Variants in CHIC2 observed in about 807,000 individuals in gnomAD.
CHIC2 encodes cysteine-rich hydrophobic domain-containing protein 2.
Under a neutral mutation model 25.9 loss-of-function variants are expected in CHIC2, and 14 were observed. The ratio of observed to expected loss-of-function variants is 0.54; its 90% CI spans 0.36 to 0.85. The LOEUF (loss-of-function observed/expected upper bound fraction) is 0.85. Ranked by LOEUF, CHIC2 falls within the 40% of genes least tolerant of loss-of-function variation. The pLI is 0.01. For synonymous variants in CHIC2, 70 were observed against 72.0 expected (o/e 0.97, Z 0.14); for missense variants, 146 against 202.0 (o/e 0.72, Z 1.68).
the CHIC2 span, among the ~76,000 whole-genome samples, chr4:54,074,389 C>T: frequency 1.3e-5 from 2 of 152,158 alleles, no homozygotes; most frequent in Non-Finnish European, 2.9e-5. Context: ...TTGGAACTCT[C>T]ACTTGAAGTC....
intron 3 of CHIC2, among the ~76,000 whole-genome samples, chr4:54,025,313 T>A (rs1431134466): frequency 6.6e-6 from 1 of 152,122 alleles, no homozygotes; most frequent in African/African-American, 2.4e-5. Flanking sequence ...TTAAGAAGGT[T>A]CTTTGTAATT....
chr4:54,040,416 A>C (rs893111467), intron 3 of CHIC2, among the ~76,000 whole-genome samples: 1 of 152,028 alleles, frequency 6.6e-6, no homozygotes. Context: ...AAAATATAAA[A>C]ATTAGCCGAG....
At chr4:54,052,966 G>A (rs982662628) in intron 1 of CHIC2, among the ~76,000 whole-genome samples, 2 of 150,320 alleles carry the variant, frequency 1.3e-5, no homozygotes, top group East Asian at 3.9e-4. Flanking sequence ...TTTTAGGAAT[G>A]GTTAAGAAAA....
At chr4:54,026,548 T>C (rs1716063770) in intron 3 of CHIC2, among the ~76,000 whole-genome samples, 1 of 152,196 alleles carries the variant, frequency 6.6e-6, no homozygotes, top group Admixed American at 6.5e-5. Context: ...TCAAGAACTT[T>C]TCTTTTTTAC....
upstream of CHIC2, chr4:54,064,675 G>A: frequency 2.9e-6 from 3 of 1,027,538 alleles, no homozygotes; most frequent in Non-Finnish European, 2.3e-6. This position sits in a 1 kb window ranked among gnomAD's most constrained non-coding sequence, Gnocchi z 4.2. Context: ...CCGGGCCAAC[G>A]GGCGGGCGGG....
chr4:54,023,312 T>C (rs1036971940), intron 3 of CHIC2, among the ~76,000 whole-genome samples: 13 of 152,200 alleles, frequency 8.5e-5, no homozygotes, highest in African/African-American at 2.4e-4. Context: ...GCCGCTCTAA[T>C]ACTTTTAGAG....
the CHIC2 span, among the ~76,000 whole-genome samples, chr4:54,080,942 GTATATATATATATATATATATATATA>G: frequency 6.9e-3 from 699 of 101,128 alleles, 10 homozygotes; most frequent in African/African-American, 0.021. Context: ...ATGTGTGTGT[GTATATATATATATATATATATATATA>G]TATATATATA....
chr4:54,063,271 T>C (rs1717392649), intron 1 of CHIC2, among the ~76,000 whole-genome samples: 1 of 152,234 alleles, frequency 6.6e-6, no homozygotes, highest in Admixed American at 6.5e-5. Flanking sequence ...TCTGATCTAT[T>C]ATTTGAACAA....
intron 3 of CHIC2, among the ~76,000 whole-genome samples, chr4:54,042,505 G>T (rs1268778625): frequency 6.6e-6 from 1 of 152,094 alleles, no homozygotes; most frequent in Non-Finnish European, 1.5e-5. Context: ...TTTAAAAAAA[G>T]GGTATCAAAA....
At position 54,045,314 on chromosome 4, in the gene CHIC2, C is replaced by T. The variant is rs182685555; in HGVS notation, c.330+3641G>A. Among the ~76,000 whole-genome samples the T allele has an allele frequency of 0.012, 1,876 of 152,244 alleles. 99 individuals are homozygous for T. The East Asian group carries it at 0.19, about 16-fold the overall frequency. ...ACTCATTTTATGAGGCCAGCATCAT[C>T]CTGATACCAAAGCCGGGCAGAGACA... On this transcript the variant is annotated intron_variant, in intron 3 of 5. Transcript: ENST00000263921.
At chr4:54,022,944 G>A (rs1319444003) in intron 3 of CHIC2, among the ~76,000 whole-genome samples, 1 of 152,126 alleles carries the variant, frequency 6.6e-6, no homozygotes, top group African/African-American at 2.4e-5. Context: ...TTCAGGATCT[G>A]TGCCTTAGCA....
chr4:54,083,987 G>C, the CHIC2 span, among the ~76,000 whole-genome samples: 3,963 of 152,212 alleles, frequency 0.026, 186 homozygotes, highest in African/African-American at 0.089. Flanking sequence ...TGGCCTAGAA[G>C]TCTCTTCTCC....
At chr4:54,014,226 T>C in intron 3 of CHIC2, 107 bp from the exon 4 acceptor site, 1 of 828,528 alleles carries the variant, frequency 1.2e-6, no homozygotes, top group Non-Finnish European at 2.0e-6. Context: ...AGTGACTGAG[T>C]ATAGTGTGGT....
chr4:54,083,014 C>CTTTT, the CHIC2 span, among the ~76,000 whole-genome samples: 1 of 97,926 alleles, frequency 1.0e-5, no homozygotes, highest in African/African-American at 4.2e-5. Context: ...TTTTTTCTTT[C>CTTTT]TTTCTTTTTT....
intron 5 of CHIC2, 132 bp from the exon 6 acceptor site, chr4:54,010,277 G>A (rs1715544746): frequency 1.7e-6 from 1 of 606,004 alleles, no homozygotes; most frequent in Non-Finnish European, 3.0e-6. Context: ...TACTAAAACA[G>A]ATCTTTATCT....
intron 1 of CHIC2, among the ~76,000 whole-genome samples, chr4:54,052,223 C>T (rs975729320): frequency 6.6e-6 from 1 of 152,102 alleles, no homozygotes; most frequent in Non-Finnish European, 1.5e-5. Flanking sequence ...AAAAGTCACA[C>T]TTCTTGTTTG....
the CHIC2 span, chr4:54,086,865 G>A: frequency 1.8e-6 from 1 of 559,650 alleles, no homozygotes; most frequent in Non-Finnish European, 3.3e-6. Context: ...GAGTCCTTTT[G>A]GGAAATCCCT....
chr4:54,032,656 CA>C (rs1716268972), intron 3 of CHIC2, among the ~76,000 whole-genome samples: 1 of 152,098 alleles, frequency 6.6e-6, no homozygotes, highest in East Asian at 1.9e-4. Context: ...TACAGAGTGC[CA>C]AAATACATAC....
chr4:54,046,936 C>T lies in CHIC2; in HGVS notation c.330+2019G>A, dbSNP rs191104949. 3.3e-5 allele frequency among the ~76,000 whole-genome samples: 5 copies of T among 152,274 alleles called. No individual in the cohort carries two copies. In the East Asian group the frequency reaches 9.6e-4, roughly 29 times the overall value. Reference sequence around the variant, plus strand: ...GCTAATATCCAGAATCTACAATGAACTCAAACACATTTACAAGAAAAAGCA... The same window carrying T: ...GCTAATATCCAGAATCTACAATGAATTCAAACACATTTACAAGAAAAAGCA... On this transcript the variant is annotated intron_variant, in intron 3 of 5. Coordinates refer to ENST00000263921, the MANE Select transcript of CHIC2 (RefSeq NM_012110.4).
Sources: gnomAD v4.1 joint callset for allele counts (sites outside exome capture counted in the v4.1 genomes callset) on GRCh38, gnomAD v4.1.1 for gene constraint, Gnocchi (gnomAD v3.1) non-coding constraint, MANE v1.5 for transcripts, NCBI Gene and HGNC (gene_info 2026-07-23, HGNC 2026-07-21) for gene names.